Variants in ITPRID2 observed in about 807,000 individuals in gnomAD.
ITPRID2 encodes protein ITPRID2.
In ITPRID2, 60 loss-of-function variants were observed where a neutral mutation model predicts 124.3. The observed-to-expected ratio is 0.48, with a 90% confidence interval of 0.39 to 0.60. The LOEUF is 0.60. Among genes scored for constraint, ITPRID2 ranks in the 20% least tolerant of loss-of-function variants. The probability of loss-of-function intolerance (pLI) is 0.00; values close to 1 mark genes in which losing one functional copy is unlikely to be tolerated. For missense variants in ITPRID2, 1,553 were observed against 1,512.2 expected, an observed-to-expected ratio of 1.03 and a Z score of -0.45; for synonymous variants, 521 against 542.9, an observed-to-expected ratio of 0.96 and a Z score of 0.56.
In ITPRID2 at chr2:181,896,140, G is replaced by A; in HGVS notation, c.307+61G>A. On this transcript the variant is annotated intron_variant, in intron 3 of 17. Coordinates refer to ENST00000431877, the MANE Select transcript of ITPRID2 (RefSeq NM_001130445.3). This position sits in a 1 kb window ranked among gnomAD's most constrained non-coding sequence, Gnocchi z 4.3. Reference sequence around the variant, plus strand: ...TGACAGTTCTACTTCTTTGTCCTCTGGGTAAAAGTGTATATATGACTTATA... The same window carrying A: ...TGACAGTTCTACTTCTTTGTCCTCTAGGTAAAAGTGTATATATGACTTATA... 3 of 1,409,204 alleles carry A rather than the reference G, an allele frequency of 2.1e-6. No individual in the cohort carries two copies. The highest frequency in any genetic ancestry group is 3.0e-6 in the Non-Finnish European group (3 of 995,618). The allele number at this position is 1,409,204 out of a possible 1,614,324, so 87.3% of individuals were successfully genotyped here. A position where few individuals can be genotyped will look rare whatever the true frequency, so the allele number is the denominator to read the frequency against.
At chr2:181,928,366 C>CCTG in intron 17 of ITPRID2, 88 bp downstream of exon 17, 1 of 783,260 alleles carries the variant, frequency 1.3e-6, no homozygotes, top group Non-Finnish European at 2.0e-6. Context: ...AGGTTTGGTT[C>CCTG]TCTAGTTAAA....
chr2:181,910,403 A>G lies in ITPRID2; in HGVS notation c.1486+432A>G, dbSNP rs1693506738. The G allele has an allele frequency of 3.9e-6, 2 of 514,118 alleles. No homozygotes were observed. Among genetic ancestry groups the G allele is most frequent in the African/African-American group, 4.0e-5 (2 of 50,290 alleles). The allele number at this position is 514,118 out of a possible 1,614,324, so 31.8% of individuals were successfully genotyped here. On this transcript the variant is annotated intron_variant, in intron 9 of 17. Transcript: ENST00000431877. The surrounding 1 kb of genome is among the most constrained non-coding windows in gnomAD (Gnocchi z 4.1). Reference sequence around the variant, plus strand: ...CTCTAGCAAAACCCACCAATTTTTTAGCAATAGTTAAAGCTAGTTAAATTC... The same window carrying G: ...CTCTAGCAAAACCCACCAATTTTTTGGCAATAGTTAAAGCTAGTTAAATTC...
At chr2:181,921,401 C>T (rs1694470035) in intron 15 of ITPRID2, among the ~76,000 whole-genome samples, 1 of 151,952 alleles carries the variant, frequency 6.6e-6, no homozygotes, top group African/African-American at 2.4e-5. Flanking sequence ...TTGCTTGAAC[C>T]CGGGAGGCGG....
rs1398290350 is a variant in ITPRID2 at position 181,919,252 on chromosome 2, C to G, written c.2994-44C>G. ...TGAAAGATTTGTGATTAGGAATCTC[C>G]AAACTGCATTTTTCCAATTTTGTGC... On this transcript the variant is annotated intron_variant, in intron 13 of 17. Coordinates refer to ENST00000431877, the MANE Select transcript of ITPRID2 (RefSeq NM_001130445.3). This position sits in a 1 kb window ranked among gnomAD's most constrained non-coding sequence, Gnocchi z 4.2. 5 of 1,607,578 alleles carry G rather than the reference C, an allele frequency of 3.1e-6. No individual in the cohort carries two copies. In the Admixed American group the frequency reaches 8.4e-5, roughly 27 times the overall value.
Position 181,892,116 on chromosome 2 carries a change from G to T in ITPRID2, c.50G>T (p.Trp17Leu). The T allele has an allele frequency of 6.4e-7, 1 of 1,558,784 alleles. No homozygotes were observed. The highest frequency in any genetic ancestry group is 2.4e-5 in the East Asian group (1 of 41,676). The change falls in exon 1 of 18, where the codon TGG becomes TTG. Residue 17 changes from tryptophan (W) to leucine (L), a missense_variant. Transcript: ENST00000431877. The surrounding 1 kb of genome is among the most constrained non-coding windows in gnomAD (Gnocchi z 5.2). Reference sequence around the variant, plus strand: ...GCGGAGGCGGAGGAGGAACTGGAGTGGCAAGTGGCGAGTCGCAGGAGGAAG... The same window carrying T: ...GCGGAGGCGGAGGAGGAACTGGAGTTGCAAGTGGCGAGTCGCAGGAGGAAG... ...SSAEAEEELE[W>L]QVASRRRKAW...
intron 6 of ITPRID2, among the ~76,000 whole-genome samples, chr2:181,899,778 G>T (rs1024316520): frequency 1.7e-4 from 26 of 152,160 alleles, no homozygotes; most frequent in African/African-American, 5.6e-4. Flanking sequence ...GCTGCAGTGA[G>T]CTATAATTGT....
chr2:181,905,055 C>CTT lies in ITPRID2; in HGVS notation c.1413+2604_1413+2605dup, dbSNP rs869067212. Among the ~76,000 whole-genome samples, 950 of 136,406 alleles carry CTT rather than the reference C, an allele frequency of 7.0e-3. 10 individuals are homozygous for CTT. The highest frequency in any genetic ancestry group is 0.024 in the African/African-American group (881 of 37,054). The allele number at this position is 136,406 out of a possible 152,430, so 89.5% of individuals were successfully genotyped here. A position where few individuals can be genotyped will look rare whatever the true frequency, so the allele number is the denominator to read the frequency against. ...ATGAATGTTTATAACGATGTTTTTT[C>CTT]TTTTTTTTTTTTTTTTGAGACGGAG... is the stretch of plus-strand genomic sequence containing the variant. On this transcript the variant is annotated intron_variant, in intron 8 of 17. Coordinates refer to ENST00000431877, the MANE Select transcript of ITPRID2 (RefSeq NM_001130445.3). The surrounding 1 kb of genome is among the most constrained non-coding windows in gnomAD (Gnocchi z 4.1).
At position 181,922,027 on chromosome 2, in the gene ITPRID2, C is replaced by T. The variant is rs1294184069; in HGVS notation, c.3290C>T (p.Pro1097Leu). 2 of 1,614,174 alleles carry T rather than the reference C, an allele frequency of 1.2e-6. No individual in the cohort carries two copies. The highest frequency in any genetic ancestry group is 4.5e-5 in the East Asian group (2 of 44,884). Reference protein sequence around the residue: ...LGLGEMGFEIPPGESSESVFS... With the variant: ...LGLGEMGFEILPGESSESVFS... ...CTTGGAGAAATGGGATTTGAAATTC[C>T]TCCTGGAGAAAGCTCAGAATCTGTT... Residue 1097 changes from proline to leucine, a missense_variant, in exon 16 of 18, where the codon CCT (proline) becomes CTT (leucine). Pro to Leu is a moderately conservative substitution (Grantham distance 98, BLOSUM62 -3). Transcript: ENST00000431877.
Position 181,914,042 on chromosome 2 carries a change from G to C in ITPRID2, c.1575+109G>C. 2 of 690,470 alleles carry C rather than the reference G, an allele frequency of 2.9e-6. 1 individual carries two copies. Among genetic ancestry groups the C allele is most frequent in the South Asian group, 4.1e-5 (2 of 48,972 alleles). The allele number at this position is 690,470 out of a possible 1,614,324, so 42.8% of individuals were successfully genotyped here. On this transcript the variant is annotated intron_variant, in intron 10 of 17. Transcript: ENST00000431877. ...AGTCTGTATAATCTTTATTTTTCAA[G>C]TGACAGAACAAAACTCCTGGCATGT... is the stretch of plus-strand genomic sequence containing the variant.
rs769837688 is a variant in ITPRID2 at position 181,909,882 on chromosome 2, T to C, written c.1414-17T>C. On this transcript the variant is annotated splice_polypyrimidine_tract_variant and intron_variant, in intron 8 of 17. Coordinates refer to ENST00000431877, the MANE Select transcript of ITPRID2 (RefSeq NM_001130445.3). ...CTTAGATTCATTTGGTTTTAACTAC[T>C]TAAAACTCTTCTTAAGGTTCAAAGT... is the stretch of plus-strand genomic sequence containing the variant. The C allele has an allele frequency of 2.5e-6, 4 of 1,608,928 alleles. No homozygotes were observed. The highest frequency in any genetic ancestry group is 3.4e-6 in the Non-Finnish European group (4 of 1,175,976).
rs1244443331 is a variant in ITPRID2, at chr2:181,896,180, G to T, written c.307+101G>T. The T allele has an allele frequency of 2.8e-6, 3 of 1,055,182 alleles. No individual in the cohort carries two copies. The highest frequency in any genetic ancestry group is 1.4e-6 in the Non-Finnish European group (1 of 692,800). 65.4% of individuals were successfully genotyped at this position (1,055,182 alleles called of 1,614,324 possible). ...TATGACTTATAAAAGTGATATTCAT[G>T]TTTATAGTATATGCTATTCTGAGCT... On this transcript the variant is annotated intron_variant, in intron 3 of 17. Transcript: ENST00000431877. The surrounding 1 kb of genome is among the most constrained non-coding windows in gnomAD (Gnocchi z 4.3).
In ITPRID2 at chr2:181,930,225, A is replaced by C. The variant is rs1230062608; in HGVS notation, c.*678A>C. 1 of 152,602 alleles carries C rather than the reference A, an allele frequency of 6.6e-6. No homozygotes were observed. Among genetic ancestry groups the C allele is most frequent in the Non-Finnish European group, 1.5e-5 (1 of 68,006 alleles). 9.5% of individuals were successfully genotyped at this position (152,602 alleles called of 1,614,324 possible). A position where few individuals can be genotyped will look rare whatever the true frequency, so the allele number is the denominator to read the frequency against. On this transcript the variant is annotated 3_prime_UTR_variant, in exon 18 of 18. Coordinates refer to ENST00000431877, the MANE Select transcript of ITPRID2 (RefSeq NM_001130445.3). The stretch of plus-strand genomic sequence containing the variant: ...TTTGGAAATGTGCCTTATGTTAAAC[A>C]CTATGTACTTTTACTTTTTGCATTG...
chr2:181,901,284 T>C (rs1692644420), intron 7 of ITPRID2, among the ~76,000 whole-genome samples: 1 of 152,194 alleles, frequency 6.6e-6, no homozygotes, highest in Admixed American at 6.5e-5. Flanking sequence ...ATATCTTTGC[T>C]TGTTTTCTTT....
At chr2:181,926,220 C>T (rs769555294) in intron 16 of ITPRID2, among the ~76,000 whole-genome samples, 14 of 149,628 alleles carry the variant, frequency 9.4e-5, no homozygotes, top group African/African-American at 2.0e-4. Flanking sequence ...GCCGAGATTG[C>T]GCCCCTACAC....
chr2:181,925,594 ACT>A (rs753221263), intron 16 of ITPRID2, among the ~76,000 whole-genome samples: 17 of 150,350 alleles, frequency 1.1e-4, no homozygotes, highest in African/African-American at 4.2e-4. Flanking sequence ...GTGCTTTCTC[ACT>A]CTCTCATTGA....
chr2:181,915,995 G>A lies in ITPRID2; in HGVS notation c.2355G>A (p.Lys785=), dbSNP rs1694005523. The A allele has an allele frequency of 1.2e-6, 2 of 1,614,214 alleles. No homozygotes were observed. Among genetic ancestry groups the A allele is most frequent in the Non-Finnish European group, 1.7e-6 (2 of 1,180,034 alleles). Reference sequence around the variant, plus strand: ...CTGAAGAGGAGCAGGAATTGGAAAAGCGGGTGATGGAACATGATGGTCAGT... The same window carrying A: ...CTGAAGAGGAGCAGGAATTGGAAAAACGGGTGATGGAACATGATGGTCAGT... ...YTPEEEQELE[K]RVMEHDGQSL... is the part of the protein sequence containing the mutation. The change falls in exon 11 of 18, where the codon AAG becomes AAA. Residue 785 remains lysine (K), a synonymous_variant. Transcript: ENST00000431877.
chr2:181,893,868 A>G (rs922863673), intron 2 of ITPRID2: 13 of 152,240 alleles, frequency 8.5e-5, no homozygotes, highest in African/African-American at 2.9e-4. Context: ...AAAATAGTCT[A>G]TAATGTAAAA....
chr2:181,901,968 T>C lies in ITPRID2; in HGVS notation c.915T>C (p.Cys305=), dbSNP rs1692702114. Residue 305 remains cysteine, a synonymous_variant, in exon 8 of 18, where the codon TGT becomes TGC. Coordinates refer to ENST00000431877, the MANE Select transcript of ITPRID2 (RefSeq NM_001130445.3). Reference sequence around the variant, plus strand: ...AAACACTCTCAAAACTGAATTTATGTGTTGATAAAACAGAGAAAGGAGAAA... The same window carrying C: ...AAACACTCTCAAAACTGAATTTATGCGTTGATAAAACAGAGAAAGGAGAAA... ...LMKTLSKLNL[C]VDKTEKGESS... is the part of the protein sequence containing the mutation. The C allele has an allele frequency of 3.1e-6, 5 of 1,613,738 alleles. No individual in the cohort carries two copies. In the East Asian group the frequency reaches 1.1e-4, roughly 36 times the overall value.
rs1485633161 is a variant in ITPRID2, at chr2:181,915,565, C to T, written c.1925C>T (p.Ala642Val). The T allele has an allele frequency of 1.2e-6, 2 of 1,614,070 alleles. No individual in the cohort carries two copies. Among genetic ancestry groups the T allele is most frequent in the Non-Finnish European group, 1.7e-6 (2 of 1,180,048 alleles). Residue 642 changes from alanine to valine, a missense_variant, in exon 11 of 18, where the codon GCT (alanine) becomes GTT (valine). Transcript: ENST00000431877. ...GTAGAGCTACTGAGGGAAGCAAGTG[C>T]TGAAAGTGATGTGGGTAAAAGCAGT... Reference protein sequence around the residue: ...ETVELLREASAESDVGKSSES... With the variant: ...ETVELLREASVESDVGKSSES...
Sources: allele counts gnomAD v4.1 joint callset (sites outside exome capture counted in the v4.1 genomes callset), GRCh38; gene constraint gnomAD v4.1.1; non-coding constraint Gnocchi (gnomAD v3.1); transcripts MANE v1.5; gene names NCBI Gene and HGNC (gene_info 2026-07-23, HGNC 2026-07-21).